The following REV3L variants were observed in gnomAD, a reference collection of about 807,000 sequenced individuals.
REV3L encodes REV3 like, DNA directed polymerase zeta catalytic subunit, also known as DNA polymerase zeta catalytic subunit.
REV3L carries 69 observed loss-of-function variants against 299.4 expected under a neutral mutation model. The observed-to-expected ratio is 0.23, with a 90% CI of 0.19 to 0.28. REV3L has a LOEUF of 0.28. REV3L is among the 10% of genes least tolerant of loss of function. The probability of loss-of-function intolerance (pLI) is 1.00; values close to 1 mark genes in which losing one functional copy is unlikely to be tolerated. For synonymous variants in REV3L, 1,238 were observed against 1,271.4 expected, an observed-to-expected ratio of 0.97 and a Z score of 0.56; for missense variants, 3,128 against 3,693.8, an observed-to-expected ratio of 0.85 and a Z score of 3.97.
chr6:111,324,247 C>G (rs1774498213), intron 25 of REV3L, among the ~76,000 whole-genome samples: 1 of 152,204 alleles, frequency 6.6e-6, no homozygotes, highest in Non-Finnish European at 1.5e-5. Flanking sequence ...ATCCACCCGC[C>G]TCAGCCTCCC....
At chr6:111,326,304 C>T (rs981652849) in intron 25 of REV3L, among the ~76,000 whole-genome samples, 3 of 151,940 alleles carry the variant, frequency 2.0e-5, no homozygotes, top group African/African-American at 7.3e-5. Context: ...ACAAATAATT[C>T]GATTAAAAAT....
intron 1 of REV3L, among the ~76,000 whole-genome samples, chr6:111,466,121 T>C (rs1478775120): frequency 6.6e-6 from 1 of 152,178 alleles, no homozygotes; most frequent in Non-Finnish European, 1.5e-5. Flanking sequence ...GAGGTTATAT[T>C]ACTATTTTGT....
chr6:111,320,321 C>T (rs1774007249), intron 26 of REV3L, among the ~76,000 whole-genome samples: 1 of 152,226 alleles, frequency 6.6e-6, no homozygotes, highest in Non-Finnish European at 1.5e-5. Context: ...CTGCCTTGGC[C>T]TCCCAAAGTG....
chr6:111,317,455 G>A (rs917449421), intron 26 of REV3L, among the ~76,000 whole-genome samples: 1 of 151,852 alleles, frequency 6.6e-6, no homozygotes, highest in Non-Finnish European at 1.5e-5. Context: ...TTCTTTATAG[G>A]CCATCTGATG....
intron 1 of REV3L, among the ~76,000 whole-genome samples, chr6:111,417,010 G>T (rs1181245405): frequency 6.8e-6 from 1 of 147,622 alleles, no homozygotes; most frequent in Non-Finnish European, 1.5e-5. Context: ...GCCATTAAAA[G>T]GAAAAAAAAA....
At chr6:111,327,602 T>C (rs915154344) in intron 25 of REV3L, among the ~76,000 whole-genome samples, 1 of 151,718 alleles carries the variant, frequency 6.6e-6, no homozygotes, top group Non-Finnish European at 1.5e-5. Flanking sequence ...AGTAATATCA[T>C]TTCCATTTTT....
At chr6:111,314,529 C>A (rs1773314635) in intron 27 of REV3L, among the ~76,000 whole-genome samples, 1 of 152,220 alleles carries the variant, frequency 6.6e-6, no homozygotes, top group Non-Finnish European at 1.5e-5. Flanking sequence ...CCAGCATCAA[C>A]CACCAGACAT....
intron 5 of REV3L, among the ~76,000 whole-genome samples, chr6:111,391,293 T>C (rs1175784248): frequency 1.3e-5 from 2 of 152,146 alleles, no homozygotes; most frequent in African/African-American, 4.8e-5. Context: ...CTTGAACTCC[T>C]GACCTCAAGT....
Position 111,299,969 on chromosome 6 carries a change from G to T in REV3L, c.*47C>A. The T allele has an allele frequency of 4.5e-6, 7 of 1,571,688 alleles. No homozygotes were observed. Among genetic ancestry groups the T allele is most frequent in the Non-Finnish European group, 6.1e-6 (7 of 1,156,352 alleles). ...AAGCACCATGCACAACAGTTTAGTG[G>T]TAAGCACTGAAAAAAATAGCACCTG... On this transcript the variant is annotated 3_prime_UTR_variant, in exon 32 of 32. Transcript: ENST00000368802.
At chr6:111,358,711 T>G in intron 17 of REV3L, 111 bp downstream of exon 17, 3 of 787,106 alleles carry the variant, frequency 3.8e-6, no homozygotes, top group Non-Finnish European at 5.9e-6. Flanking sequence ...AGCAAACATT[T>G]TAGAAAAGAG....
chr6:111,381,229 T>G, intron 10 of REV3L, 96 bp downstream of exon 10: 2 of 1,257,274 alleles, frequency 1.6e-6, no homozygotes, highest in Admixed American at 2.1e-5. Flanking sequence ...ATGCAACATT[T>G]ACCTCTTCAA....
rs768939590 is a variant in REV3L at position 111,374,136 on chromosome 6, G to C, written c.4219C>G (p.Leu1407Val). Residue 1407 changes from leucine to valine, a missense_variant, in exon 13 of 32, where the codon CTA becomes GTA. Coordinates refer to ENST00000368802, the MANE Select transcript of REV3L (RefSeq NM_001372078.1). ...TATGCTTGGTCCAGCTTTGATTCTA[G>C]GGAATTGCGATATTCACTTAACTTT... Reference protein sequence around the residue: ...IGKLSEYRNSLESKLDQAYTP... With the variant: ...IGKLSEYRNSVESKLDQAYTP... 1 of 1,614,086 alleles carries C rather than the reference G, an allele frequency of 6.2e-7. No individual in the cohort carries two copies. The highest frequency in any genetic ancestry group is 1.1e-5 in the South Asian group (1 of 91,072).
chr6:111,333,817 G>C (rs560030410), intron 22 of REV3L, among the ~76,000 whole-genome samples: 1 of 152,050 alleles, frequency 6.6e-6, no homozygotes, highest in Non-Finnish European at 1.5e-5. Flanking sequence ...TGCGAAAAGG[G>C]ATATATGTAA....
At chr6:111,473,588 ATCTAT>A (rs1157989300) in intron 1 of REV3L, among the ~76,000 whole-genome samples, 1 of 151,726 alleles carries the variant, frequency 6.6e-6, no homozygotes, top group Non-Finnish European at 1.5e-5. Flanking sequence ...TCCTACTATA[ATCTAT>A]TCTAGATTAT....
At chr6:111,424,924 G>A (rs941506825) in intron 1 of REV3L, among the ~76,000 whole-genome samples, 3 of 152,162 alleles carry the variant, frequency 2.0e-5, no homozygotes, top group African/African-American at 7.2e-5. Context: ...GGAATGAAAT[G>A]TCCACCGGGG....
At chr6:111,470,176 A>T (rs547808272) in intron 1 of REV3L, among the ~76,000 whole-genome samples, 64 of 4,398 alleles carry the variant, frequency 0.015, no homozygotes, top group East Asian at 0.25. Flanking sequence ...ACTATCTCTC[A>T]CACACACACA....
At chr6:111,422,636 A>G (rs1211323297) in intron 1 of REV3L, among the ~76,000 whole-genome samples, 2 of 17,148 alleles carry the variant, frequency 1.2e-4, no homozygotes, top group African/African-American at 2.4e-4. Context: ...ATATACACAT[A>G]TATATATATA....
At chr6:111,307,781 AATATT>A (rs1191770263) in intron 30 of REV3L, 9 of 552,954 alleles carry the variant, frequency 1.6e-5, no homozygotes, top group Non-Finnish European at 2.9e-5. Flanking sequence ...CTTACATCTT[AATATT>A]ATCAGATACA....
At chr6:111,429,680 A>AG (rs1786633581) in intron 1 of REV3L, among the ~76,000 whole-genome samples, 1 of 152,198 alleles carries the variant, frequency 6.6e-6, no homozygotes, top group Admixed American at 6.5e-5. Flanking sequence ...GTGGAGTTAT[A>AG]GGAAAGAGGG....
Sources: gnomAD v4.1 joint callset for allele counts (sites outside exome capture counted in the v4.1 genomes callset) on GRCh38, gnomAD v4.1.1 for gene constraint, MANE v1.5 for transcripts, NCBI Gene and HGNC (gene_info 2026-07-23, HGNC 2026-07-21) for gene names.